SLC22A15: variants seen among roughly 807,000 people sequenced by gnomAD.
SLC22A15 encodes the protein flipt 1.
A neutral mutation model predicts 62.7 loss-of-function variants in SLC22A15; 45 were observed. The observed-to-expected ratio is 0.72, with a 90% confidence interval of 0.56 to 0.92. The LOEUF (loss-of-function observed/expected upper bound fraction) is 0.92. Ranked by LOEUF, SLC22A15 falls within the 40% of genes least tolerant of loss-of-function variation. The pLI is 0.00. For missense variants in SLC22A15, 622 were observed against 665.6 expected (o/e 0.93, Z 0.72); for synonymous variants, 264 against 267.0 (o/e 0.99, Z 0.11).
chr1:116,003,211 G>A (rs775132633), intron 2 of SLC22A15, among the ~76,000 whole-genome samples: 29 of 152,140 alleles, frequency 1.9e-4, no homozygotes, highest in Admixed American at 1.5e-3. Flanking sequence ...CTGTGGCTGA[G>A]CTGGTATGCA....
chr1:115,990,370 C>T (rs1222460877), intron 1 of SLC22A15, among the ~76,000 whole-genome samples: 6 of 152,168 alleles, frequency 3.9e-5, no homozygotes, highest in Non-Finnish European at 5.9e-5. Context: ...TCCCTTGCCC[C>T]ATGTTTTTCA....
intron 1 of SLC22A15, among the ~76,000 whole-genome samples, chr1:115,987,745 C>T (rs1205270945): frequency 1.3e-5 from 2 of 152,140 alleles, no homozygotes; most frequent in East Asian, 3.9e-4. Flanking sequence ...TTTGATTCCT[C>T]CCCTCCCTTT....
chr1:116,016,663 A>T (rs1023356340), intron 2 of SLC22A15, among the ~76,000 whole-genome samples: 1 of 152,094 alleles, frequency 6.6e-6, no homozygotes, highest in Non-Finnish European at 1.5e-5. Flanking sequence ...TTGAATTCCC[A>T]CCATGTACCT....
At chr1:116,055,919 G>C (rs1268187181) in intron 8 of SLC22A15, among the ~76,000 whole-genome samples, 2 of 148,412 alleles carry the variant, frequency 1.3e-5, no homozygotes, top group African/African-American at 5.0e-5. Flanking sequence ...AATAATAAGA[G>C]CTATCTATGA....
intron 2 of SLC22A15, among the ~76,000 whole-genome samples, chr1:115,999,999 T>C (rs1470859319): frequency 6.6e-6 from 1 of 152,190 alleles, no homozygotes; most frequent in African/African-American, 2.4e-5. Flanking sequence ...TGTATCTTTA[T>C]AGGTGAAGTG....
At chr1:116,026,577 A>G (rs995936581) in intron 4 of SLC22A15, among the ~76,000 whole-genome samples, 2 of 152,360 alleles carry the variant, frequency 1.3e-5, no homozygotes, top group East Asian at 1.9e-4. Context: ...CCTCAGCCAG[A>G]GGTTCAGGCA....
chr1:116,040,684 A>T (rs1390243824), intron 8 of SLC22A15, among the ~76,000 whole-genome samples: 1 of 152,186 alleles, frequency 6.6e-6, no homozygotes, highest in Admixed American at 6.5e-5. Flanking sequence ...TGGTGTGGTC[A>T]TAGCTCACTG....
At chr1:116,003,791 A>G (rs1655848948) in intron 2 of SLC22A15, among the ~76,000 whole-genome samples, 2 of 152,296 alleles carry the variant, frequency 1.3e-5, no homozygotes, top group Non-Finnish European at 2.9e-5. Flanking sequence ...AGGTACTGTG[A>G]TCAGTCCTGA....
chr1:116,046,652 C>T (rs1408676057), intron 8 of SLC22A15, among the ~76,000 whole-genome samples: 4 of 152,278 alleles, frequency 2.6e-5, no homozygotes, highest in Admixed American at 6.5e-5. Context: ...CCAGCAATCC[C>T]GAGAGGACCC....
At chr1:115,981,933 A>G (rs1368240358) in intron 1 of SLC22A15, among the ~76,000 whole-genome samples, 1 of 152,266 alleles carries the variant, frequency 6.6e-6, no homozygotes, top group Non-Finnish European at 1.5e-5. Context: ...CTGCTGCAAG[A>G]TGGCATTATT....
chr1:116,054,143 C>T (rs989033141), intron 8 of SLC22A15, among the ~76,000 whole-genome samples: 2 of 152,126 alleles, frequency 1.3e-5, no homozygotes, highest in Non-Finnish European at 2.9e-5. Context: ...CATCAGTGTG[C>T]TATATTCAGG....
At position 116,045,734 on chromosome 1, in the gene SLC22A15, A is replaced by G. The variant is rs1374416345; in HGVS notation, c.1171+8346A>G. ...AGCCTGGGCTACAGAGTGAGACTCC[A>G]TCTCAAAAAAAAAAAAAAAAAAAGA... is the stretch of plus-strand genomic sequence containing the variant. On this transcript the variant is annotated intron_variant, in intron 8 of 11. Coordinates refer to ENST00000369503, the MANE Select transcript of SLC22A15 (RefSeq NM_018420.3). 3.1e-4 allele frequency among the ~76,000 whole-genome samples: 18 copies of G among 58,192 alleles called. No individual in the cohort carries two copies. The East Asian group carries it at 9.2e-3, about 30-fold the overall frequency. 38.2% of individuals were successfully genotyped at this position (58,192 alleles called of 152,430 possible).
intron 8 of SLC22A15, among the ~76,000 whole-genome samples, chr1:116,061,856 T>G (rs765527469): frequency 3.0e-4 from 46 of 152,300 alleles, no homozygotes; most frequent in Non-Finnish European, 5.3e-4. Flanking sequence ...TACTATTGAT[T>G]AGTAATTCAA....
chr1:115,996,735 A>C (rs906292936), intron 2 of SLC22A15, among the ~76,000 whole-genome samples: 4 of 151,960 alleles, frequency 2.6e-5, no homozygotes, highest in African/African-American at 9.7e-5. Context: ...TCTTTTGGGA[A>C]ATTTTAAAAT....
intron 10 of SLC22A15, among the ~76,000 whole-genome samples, chr1:116,065,655 C>A (rs986319490): frequency 1.3e-5 from 2 of 150,660 alleles, no homozygotes; most frequent in African/African-American, 4.8e-5. Context: ...TCTCCTCCCC[C>A]TTCTCCCTTT....
intron 8 of SLC22A15, among the ~76,000 whole-genome samples, chr1:116,045,112 C>T (rs1295236115): frequency 1.3e-5 from 2 of 152,044 alleles, no homozygotes; most frequent in African/African-American, 2.4e-5. Context: ...GGCGTGATCT[C>T]GGCTCACTGC....
At chr1:115,999,202 T>C (rs1009545104) in intron 2 of SLC22A15, among the ~76,000 whole-genome samples, 1 of 152,236 alleles carries the variant, frequency 6.6e-6, no homozygotes. Context: ...ACATGTGGTC[T>C]ATCTTTCAGC....
intron 7 of SLC22A15, 37 bp downstream of exon 7, chr1:116,035,364 A>G: frequency 5.1e-6 from 8 of 1,576,186 alleles, no homozygotes; most frequent in Non-Finnish European, 4.3e-6. Context: ...TGCACCGTAG[A>G]GAATGCACAC....
chr1:116,020,927 C>A (rs766596633), intron 4 of SLC22A15, 42 bp downstream of exon 4: 1 of 1,523,830 alleles, frequency 6.6e-7, no homozygotes, highest in Non-Finnish European at 8.8e-7. Context: ...GTGAGCAGCT[C>A]CAGAAAATTT....
Sources: allele counts gnomAD v4.1 joint callset (sites outside exome capture counted in the v4.1 genomes callset), GRCh38; gene constraint gnomAD v4.1.1; transcripts MANE v1.5; gene names NCBI Gene and HGNC (gene_info 2026-07-23, HGNC 2026-07-21).